The following TXK variants were observed in gnomAD, a reference collection of about 807,000 sequenced individuals.
The protein encoded by TXK is tyrosine-protein kinase TXK.
In TXK, 60 loss-of-function variants were observed where a neutral mutation model predicts 81.0. The observed-to-expected ratio is 0.74, with a 90% confidence interval of 0.60 to 0.92. The LOEUF is 0.92. Ranked by LOEUF, TXK falls within the 40% of genes least tolerant of loss-of-function variation. The pLI is 0.00. For synonymous variants in TXK, 203 were observed against 210.7 expected (o/e 0.96, Z 0.32); for missense variants, 581 against 638.3 (o/e 0.91, Z 0.97).
At chr4:48,112,006 A>G (rs189815550) in intron 4 of TXK, among the ~76,000 whole-genome samples, 1 of 152,398 alleles carries the variant, frequency 6.6e-6, no homozygotes, top group East Asian at 1.9e-4. Context: ...AATTAGAATA[A>G]GAACCTACAT....
intron 11 of TXK, among the ~76,000 whole-genome samples, chr4:48,076,715 C>T (rs551279097): frequency 6.6e-6 from 1 of 152,146 alleles, no homozygotes; most frequent in East Asian, 1.9e-4. Context: ...TGCAACCTTC[C>T]CCTCCTGGGG....
chr4:48,115,460 T>G (rs1340778502), intron 1 of TXK, among the ~76,000 whole-genome samples: 1 of 152,176 alleles, frequency 6.6e-6, no homozygotes, highest in Non-Finnish European at 1.5e-5. Context: ...AACTGAATAT[T>G]TGAAGAAAGA....
chr4:48,107,845 G>A (rs1261502851), intron 5 of TXK, among the ~76,000 whole-genome samples: 1 of 150,984 alleles, frequency 6.6e-6, no homozygotes, highest in Non-Finnish European at 1.5e-5. Context: ...GGCGGATCAC[G>A]GGGTTAGGAG....
chr4:48,079,785 G>T (rs1479189460), intron 11 of TXK, 127 bp downstream of exon 11: 2 of 749,706 alleles, frequency 2.7e-6, no homozygotes, highest in South Asian at 1.7e-5. Context: ...ACAACAAATT[G>T]CATGAATAGG....
intron 5 of TXK, among the ~76,000 whole-genome samples, chr4:48,110,226 T>C (rs1252799110): frequency 6.6e-6 from 1 of 152,228 alleles, no homozygotes; most frequent in African/African-American, 2.4e-5. Flanking sequence ...TTACCACTCA[T>C]TGAAAATTTA....
chr4:48,098,150 T>A (rs773748460), intron 6 of TXK, among the ~76,000 whole-genome samples: 1 of 152,046 alleles, frequency 6.6e-6, no homozygotes, highest in Non-Finnish European at 1.5e-5. Context: ...GCACATGACA[T>A]GAAAAGAAGA....
At chr4:48,090,960 C>A (rs1449424479) in intron 8 of TXK, among the ~76,000 whole-genome samples, 2 of 152,168 alleles carry the variant, frequency 1.3e-5, no homozygotes, top group African/African-American at 4.8e-5. Flanking sequence ...CAAAAAGAAG[C>A]ACATATTAAG....
chr4:48,104,997 T>C lies in TXK; in HGVS notation c.447-42A>G, dbSNP rs763915403. Reference sequence around the variant, plus strand: ...AATGATTTTTAAATTTTATATTCAATTTTTTTAAGAAAAAAGTGCTTCATT... The same window carrying C: ...AATGATTTTTAAATTTTATATTCAACTTTTTTAAGAAAAAAGTGCTTCATT... On this transcript the variant is annotated intron_variant, in intron 5 of 14. Transcript: ENST00000264316. 4.9e-6 allele frequency: 7 copies of C among 1,434,482 alleles called. No individual in the cohort carries two copies. In the South Asian group the frequency reaches 6.7e-5, roughly 14 times the overall value. 88.9% of individuals were successfully genotyped at this position (1,434,482 alleles called of 1,614,324 possible).
At chr4:48,102,731 A>C (rs541639792) in intron 6 of TXK, among the ~76,000 whole-genome samples, 1 of 152,348 alleles carries the variant, frequency 6.6e-6, no homozygotes, top group East Asian at 1.9e-4. Flanking sequence ...CACATTGAAT[A>C]CAATTTTATA....
intron 1 of TXK, among the ~76,000 whole-genome samples, chr4:48,133,413 A>G (rs1185693183): frequency 6.6e-6 from 1 of 152,170 alleles, no homozygotes; most frequent in Non-Finnish European, 1.5e-5. Flanking sequence ...GTAGTATTAT[A>G]TATGAGGGAA....
chr4:48,073,901 C>T (rs532692050), intron 13 of TXK, 34 bp downstream of exon 13: 1 of 1,349,686 alleles, frequency 7.4e-7, no homozygotes, highest in Admixed American at 2.0e-5. Flanking sequence ...TTTATTAAAT[C>T]AAGCTCCAGC....
chr4:48,129,379 A>G (rs1208293935), intron 1 of TXK, among the ~76,000 whole-genome samples: 1 of 151,806 alleles, frequency 6.6e-6, no homozygotes, highest in Non-Finnish European at 1.5e-5. Context: ...ACCTTAAAGA[A>G]GGGAGGATAA....
intron 4 of TXK, among the ~76,000 whole-genome samples, chr4:48,112,054 CA>C (rs1230029722): frequency 1.3e-5 from 2 of 152,098 alleles, no homozygotes; most frequent in East Asian, 1.9e-4. Context: ...AATAAAGAAA[CA>C]AAAACTCAGA....
chr4:48,099,444 T>C (rs1718104372), intron 6 of TXK, among the ~76,000 whole-genome samples: 1 of 152,188 alleles, frequency 6.6e-6, no homozygotes, highest in South Asian at 2.1e-4. Context: ...AATATCAATA[T>C]ATGGGTTCTA....
intron 10 of TXK, among the ~76,000 whole-genome samples, chr4:48,084,458 A>G (rs899867944): frequency 1.3e-5 from 2 of 152,076 alleles, no homozygotes; most frequent in Non-Finnish European, 2.9e-5. Context: ...AACATCTTCA[A>G]TTCTTTCTTG....
chr4:48,092,200 C>T (rs769390103), intron 8 of TXK, among the ~76,000 whole-genome samples: 3 of 152,080 alleles, frequency 2.0e-5, no homozygotes, highest in Non-Finnish European at 4.4e-5. Context: ...CCTTTGTCTA[C>T]CAGACAGAAG....
At chr4:48,088,055 G>A (rs1717604219) in intron 9 of TXK, among the ~76,000 whole-genome samples, 3 of 151,964 alleles carry the variant, frequency 2.0e-5, no homozygotes, top group African/African-American at 7.2e-5. Context: ...TGGCCACTAA[G>A]CCAAATTGAT....
At position 48,086,488 on chromosome 4, in the gene TXK, T is replaced by C; in HGVS notation, c.934A>G (p.Ile312Val). ...NEGSMSEEDF[I>V]EEAKVMMKLS... is the part of the protein sequence containing the mutation. ...TACATCATCACTTTGGCCTCTTCAA[T>C]GAAATCCTCTTCAGACATGGAGCCT... The change falls in exon 10 of 15, where the codon ATT (isoleucine) becomes GTT (valine). Residue 312 changes from isoleucine (I) to valine (V), a missense_variant. Physicochemically the swap from Ile to Val is conservative, Grantham distance 29. Transcript: ENST00000264316. 6.2e-7 allele frequency: 1 copy of C among 1,613,934 alleles called. No homozygotes were observed. Among genetic ancestry groups the C allele is most frequent in the Non-Finnish European group, 8.5e-7 (1 of 1,179,838 alleles).
intron 12 of TXK, 93 bp from the exon 13 acceptor site, chr4:48,074,146 C>CA: frequency 1.0e-6 from 1 of 968,286 alleles, no homozygotes; most frequent in South Asian, 1.6e-5. Flanking sequence ...TGCTAAAAGA[C>CA]AAAGTATTTT....
Sources: allele counts gnomAD v4.1 joint callset (sites outside exome capture counted in the v4.1 genomes callset), GRCh38; gene constraint gnomAD v4.1.1; transcripts MANE v1.5; gene names NCBI Gene and HGNC (gene_info 2026-07-23, HGNC 2026-07-21).